The following FANK1 variants were observed in gnomAD, a reference collection of about 807,000 sequenced individuals.
FANK1 encodes the protein fibronectin type 3 and ankyrin repeat domains protein 1.
A neutral mutation model predicts 45.3 loss-of-function variants in FANK1; 44 were observed. The ratio of observed to expected loss-of-function variants is 0.97; its 90% CI spans 0.76 to 1.25. FANK1 has a LOEUF of 1.25. FANK1 is among the 50% of genes most tolerant of loss of function. The pLI, the probability that FANK1 is intolerant of heterozygous loss-of-function variation, is 0.00. For missense variants in FANK1, 391 were observed against 424.4 expected, an observed-to-expected ratio of 0.92 and a Z score of 0.69; for synonymous variants, 149 against 152.5, an observed-to-expected ratio of 0.98 and a Z score of 0.17.
intron 6 of FANK1, among the ~76,000 whole-genome samples, chr10:125,999,503 G>A (rs1952599708): frequency 6.6e-6 from 1 of 152,214 alleles, no homozygotes; most frequent in African/African-American, 2.4e-5. Context: ...GGAAGTGTCT[G>A]TTGAATGAAG....
intron 2 of FANK1, among the ~76,000 whole-genome samples, chr10:125,981,948 C>T (rs1564940766): frequency 6.6e-6 from 1 of 152,164 alleles, no homozygotes. Context: ...GCTCCAATTT[C>T]AACTGTTACT....
At chr10:125,905,406 G>T (rs141689667) in intron 1 of FANK1, among the ~76,000 whole-genome samples, 2 of 151,808 alleles carry the variant, frequency 1.3e-5, no homozygotes, top group African/African-American at 2.4e-5. Context: ...TTGTGGGAAA[G>T]TTTTAAATTA....
chr10:126,004,381 A>C (rs1268652319), intron 6 of FANK1: 3 of 152,494 alleles, frequency 2.0e-5, no homozygotes, highest in Non-Finnish European at 4.4e-5. Context: ...GATACCATAA[A>C]ATTCACCTTT....
At chr10:125,968,558 C>T (rs1189293044) in intron 1 of FANK1, among the ~76,000 whole-genome samples, 1 of 152,094 alleles carries the variant, frequency 6.6e-6, no homozygotes, top group Non-Finnish European at 1.5e-5. Flanking sequence ...TATCATTTCC[C>T]ACTTTTCATG....
At chr10:125,998,959 C>T (rs1952546439) in intron 6 of FANK1, among the ~76,000 whole-genome samples, 1 of 152,088 alleles carries the variant, frequency 6.6e-6, no homozygotes, top group African/African-American at 2.4e-5. Context: ...TGGAAAGCTC[C>T]AGAGGACAAC....
At chr10:125,971,812 CA>C (rs1950532166) in intron 1 of FANK1, among the ~76,000 whole-genome samples, 2 of 151,988 alleles carry the variant, frequency 1.3e-5, no homozygotes, top group Admixed American at 6.6e-5. Context: ...TTAGTAGAGA[CA>C]GGGTTTCACC....
chr10:125,996,521 G>A, intron 4 of FANK1, 29 bp from the exon 5 acceptor site: 2 of 1,611,614 alleles, frequency 1.2e-6, no homozygotes, highest in Non-Finnish European at 1.7e-6. Context: ...TACTGAGCAT[G>A]TTTATCTCTT....
chr10:125,971,298 G>A (rs926614147), intron 1 of FANK1, among the ~76,000 whole-genome samples: 1 of 151,976 alleles, frequency 6.6e-6, no homozygotes, highest in Admixed American at 6.6e-5. Flanking sequence ...GTAAACATCA[G>A]TCAAACTCTC....
intron 2 of FANK1, among the ~76,000 whole-genome samples, chr10:125,987,588 A>G (rs1213525157): frequency 1.3e-5 from 2 of 152,052 alleles, no homozygotes; most frequent in African/African-American, 4.8e-5. Flanking sequence ...GAAAAGAAAA[A>G]TTTAGAGATA....
At chr10:126,008,984 C>A in intron 8 of FANK1, 70 bp from the exon 9 acceptor site, 2 of 1,471,242 alleles carry the variant, frequency 1.4e-6, no homozygotes, top group Non-Finnish European at 1.9e-6. Context: ...ATGTGCCAGG[C>A]TCATGCCCCC....
Position 125,913,385 on chromosome 10 carries a change from G to A in FANK1, c.13+16730G>A, listed in dbSNP as rs144147455. 4.6e-5 allele frequency among the ~76,000 whole-genome samples: 7 copies of A among 152,158 alleles called. No individual in the cohort carries two copies. The East Asian group carries it at 7.7e-4, about 17-fold the overall frequency. On this transcript the variant is annotated intron_variant, in intron 1 of 10. Transcript: ENST00000368693. ...ATGACACCTAAACCCTTTAGCAGTCGGCCAAAAGGAGGAAGGAGGGCGTGT... is the reference window on the plus strand; with the variant it reads ...ATGACACCTAAACCCTTTAGCAGTCAGCCAAAAGGAGGAAGGAGGGCGTGT...
At chr10:125,950,848 G>A (rs1358422331) in intron 1 of FANK1, among the ~76,000 whole-genome samples, 4 of 148,134 alleles carry the variant, frequency 2.7e-5, no homozygotes, top group Admixed American at 1.4e-4. Flanking sequence ...CAACCCAAAT[G>A]TCCAACAATG....
chr10:125,906,571 A>G (rs1369927249), intron 1 of FANK1, among the ~76,000 whole-genome samples: 1 of 147,176 alleles, frequency 6.8e-6, no homozygotes, highest in Non-Finnish European at 1.5e-5. Context: ...GTGTTTTACT[A>G]GTGTTGGTTT....
At chr10:125,952,785 C>T (rs1197480261) in intron 1 of FANK1, among the ~76,000 whole-genome samples, 1 of 142,894 alleles carries the variant, frequency 7.0e-6, no homozygotes, top group Non-Finnish European at 1.5e-5. Flanking sequence ...GCTGTGGTGC[C>T]CAGCAGGAAA....
At chr10:125,918,585 AATAT>A (rs1197525883) in intron 1 of FANK1, among the ~76,000 whole-genome samples, 1,776 of 70,656 alleles carry the variant, frequency 0.025, 86 homozygotes, top group South Asian at 0.04. Context: ...AAAAAAAAAA[AATAT>A]ATATATATAT....
intron 3 of FANK1, among the ~76,000 whole-genome samples, chr10:125,993,880 T>C (rs1005160323): frequency 6.6e-5 from 10 of 152,248 alleles, no homozygotes; most frequent in Non-Finnish European, 1.5e-4. Flanking sequence ...TTTATTTTTA[T>C]GAAAGAAAGG....
At chr10:125,909,524 T>C (rs200267283) in intron 1 of FANK1, among the ~76,000 whole-genome samples, 2 of 151,616 alleles carry the variant, frequency 1.3e-5, no homozygotes, top group Admixed American at 6.6e-5. Context: ...TTTTTCTTTT[T>C]TTTTTTTTGA....
At position 125,936,627 on chromosome 10, in the gene FANK1, C is replaced by T. The variant is rs550963617; in HGVS notation, c.13+39972C>T. Among the ~76,000 whole-genome samples, 8 of 152,134 alleles carry T rather than the reference C, an allele frequency of 5.3e-5. No individual in the cohort carries two copies. In the South Asian group the frequency reaches 8.3e-4, roughly 16 times the overall value. On this transcript the variant is annotated intron_variant, in intron 1 of 10. Coordinates refer to ENST00000368693, the MANE Select transcript of FANK1 (RefSeq NM_145235.5). ...ACTTATTTGGATCTGACTTATTTTC[C>T]CCAACATTATGTTTGTAAGATTAAT... is the stretch of plus-strand genomic sequence containing the variant.
chr10:125,936,577 G>A (rs964202111), intron 1 of FANK1, among the ~76,000 whole-genome samples: 1 of 152,004 alleles, frequency 6.6e-6, no homozygotes, highest in Admixed American at 6.6e-5. Flanking sequence ...TTTGAACTCT[G>A]TGTAAATAGA....
Sources: gnomAD v4.1 joint callset for allele counts (sites outside exome capture counted in the v4.1 genomes callset) on GRCh38, gnomAD v4.1.1 for gene constraint, MANE v1.5 for transcripts, NCBI Gene and HGNC (gene_info 2026-07-23, HGNC 2026-07-21) for gene names.